Variants in PTPRO observed in about 807,000 individuals in gnomAD.
The protein encoded by PTPRO is protein tyrosine phosphatase receptor type O.
In PTPRO, 62 loss-of-function variants were observed where a neutral mutation model predicts 145.2. The ratio of observed to expected loss-of-function variants is 0.43; its 90% CI spans 0.35 to 0.53. The LOEUF is 0.53. Ranked by LOEUF, PTPRO falls within the 20% of genes least tolerant of loss-of-function variation. The pLI, the probability that PTPRO is intolerant of heterozygous loss-of-function variation, is 0.01. For synonymous variants in PTPRO, 565 were observed against 514.7 expected (o/e 1.10, Z -1.32); for missense variants, 1,345 against 1,482.7 (o/e 0.91, Z 1.53).
At chr12:15,388,421 G>A (rs1039635035) in intron 1 of PTPRO, among the ~76,000 whole-genome samples, 2 of 151,744 alleles carry the variant, frequency 1.3e-5, no homozygotes, top group African/African-American at 2.4e-5. Context: ...TTTTCTTCCC[G>A]TGTTTTAAAC....
intron 1 of PTPRO, among the ~76,000 whole-genome samples, chr12:15,329,272 T>C (rs954480400): frequency 2.0e-5 from 3 of 152,224 alleles, no homozygotes; most frequent in African/African-American, 7.2e-5. Context: ...TGATTCTCTC[T>C]TGGTTCCACG....
chr12:15,530,374 T>C (rs192726971), intron 12 of PTPRO, among the ~76,000 whole-genome samples: 2 of 152,246 alleles, frequency 1.3e-5, no homozygotes, highest in East Asian at 3.9e-4. Flanking sequence ...TGAGACCCGA[T>C]AGGCCTAATA....
intron 12 of PTPRO, among the ~76,000 whole-genome samples, chr12:15,531,457 C>T (rs1258750045): frequency 2.0e-5 from 3 of 152,092 alleles, no homozygotes; most frequent in Non-Finnish European, 4.4e-5. Context: ...AGTGTAATGT[C>T]AAAATAATTC....
chr12:15,587,534 T>G lies in PTPRO; in HGVS notation c.3410+483T>G, dbSNP rs566990152. ...AAAAGGAAAAGAAAAATGAAAATAT[T>G]CAGCTTAGGAAGATAAACATATTTG... On this transcript the variant is annotated intron_variant, in intron 24 of 26. Transcript: ENST00000281171. 5.9e-5 allele frequency among the ~76,000 whole-genome samples: 9 copies of G among 152,272 alleles called. No individual in the cohort carries two copies. The East Asian group carries it at 1.7e-3, about 29-fold the overall frequency.
chr12:15,556,075 T>A (rs909299939), intron 15 of PTPRO, among the ~76,000 whole-genome samples: 12 of 152,210 alleles, frequency 7.9e-5, no homozygotes, highest in African/African-American at 2.9e-4. Flanking sequence ...CTGCTAAGTT[T>A]AGTCACAGGT....
chr12:15,436,155 A>G (rs1940589681), intron 1 of PTPRO, among the ~76,000 whole-genome samples: 2 of 152,240 alleles, frequency 1.3e-5, no homozygotes, highest in Admixed American at 6.5e-5. Context: ...ATAGCACTAC[A>G]TGCCCACAAG....
chr12:15,440,056 C>A (rs1336997732), intron 1 of PTPRO: 29 of 645,592 alleles, frequency 4.5e-5, no homozygotes, highest in South Asian at 4.2e-4. Flanking sequence ...GCAAGCCCCA[C>A]ACTGTCCCTT....
chr12:15,478,478 G>A (rs375977950), intron 1 of PTPRO, among the ~76,000 whole-genome samples: 2 of 152,058 alleles, frequency 1.3e-5, no homozygotes, highest in African/African-American at 4.8e-5. Context: ...CCCAATTTAT[G>A]TTATACAGGT....
intron 2 of PTPRO, among the ~76,000 whole-genome samples, chr12:15,488,455 T>C (rs1471217442): frequency 6.6e-6 from 1 of 152,238 alleles, no homozygotes; most frequent in Non-Finnish European, 1.5e-5. Flanking sequence ...TTTTGAGCTC[T>C]GAAACTAACA....
At chr12:15,433,426 G>T (rs532103523) in intron 1 of PTPRO, among the ~76,000 whole-genome samples, 1 of 152,134 alleles carries the variant, frequency 6.6e-6, no homozygotes, top group South Asian at 2.1e-4. Context: ...CTCATGATCC[G>T]CCCGCCTTGG....
At chr12:15,518,318 C>T (rs576122200) in intron 9 of PTPRO, among the ~76,000 whole-genome samples, 68 of 152,310 alleles carry the variant, frequency 4.5e-4, no homozygotes, top group Admixed American at 8.5e-4. Flanking sequence ...CACCAAGTCT[C>T]TAGGCTGTAC....
intron 2 of PTPRO, among the ~76,000 whole-genome samples, chr12:15,487,539 T>C (rs1275871490): frequency 6.6e-6 from 1 of 152,192 alleles, no homozygotes; most frequent in African/African-American, 2.4e-5. Context: ...GTCCTCTTAG[T>C]GGTTTCAATT....
intron 1 of PTPRO, among the ~76,000 whole-genome samples, chr12:15,399,691 A>G (rs1939435968): frequency 6.6e-6 from 1 of 152,122 alleles, no homozygotes; most frequent in African/African-American, 2.4e-5. Flanking sequence ...TAGCTTTCAT[A>G]CCAAGGTATT....
At position 15,364,581 on chromosome 12, in the gene PTPRO, T is replaced by A. The variant is rs150773655; in HGVS notation, c.75+41780T>A. ...AGCAGCCTCTGTATTAGTAAAGATG[T>A]GCATTCCACACACCAGCCCAGCAAT... On this transcript the variant is annotated intron_variant, in intron 1 of 26. Coordinates refer to ENST00000281171, the MANE Select transcript of PTPRO (RefSeq NM_030667.3). 4.4e-3 allele frequency among the ~76,000 whole-genome samples: 671 copies of A among 152,246 alleles called. 17 individuals carry two copies. Among genetic ancestry groups the A allele is most frequent in the Admixed American group, 0.039 (600 of 15,292 alleles).
chr12:15,417,133 G>A (rs936987194), intron 1 of PTPRO, among the ~76,000 whole-genome samples: 1 of 151,494 alleles, frequency 6.6e-6, no homozygotes, highest in African/African-American at 2.4e-5. Flanking sequence ...CCAACTACAT[G>A]CAAAGGTGCC....
At chr12:15,550,249 G>A (rs1943419700) in intron 14 of PTPRO, among the ~76,000 whole-genome samples, 1 of 152,152 alleles carries the variant, frequency 6.6e-6, no homozygotes, top group Non-Finnish European at 1.5e-5. Flanking sequence ...CTAGAGAAAA[G>A]AAAATGTTAT....
chr12:15,488,317 A>T (rs555566589), intron 2 of PTPRO, among the ~76,000 whole-genome samples: 4 of 152,220 alleles, frequency 2.6e-5, no homozygotes, highest in Non-Finnish European at 4.4e-5. Context: ...GGTTGGGAAT[A>T]TCAGAAGTGG....
chr12:15,575,390 C>T (rs899356430), intron 19 of PTPRO, among the ~76,000 whole-genome samples: 5 of 152,248 alleles, frequency 3.3e-5, no homozygotes, highest in Admixed American at 2.6e-4. Flanking sequence ...CTCCAAGGAC[C>T]CCCTCCCACC....
chr12:15,514,451 C>CAAAAAAAAA (rs71438353), intron 7 of PTPRO, among the ~76,000 whole-genome samples: 12 of 68,806 alleles, frequency 1.7e-4, no homozygotes, highest in East Asian at 4.4e-4. Context: ...GACTCTGTCT[C>CAAAAAAAAA]AAAAAAAAAA....
Sources: gnomAD v4.1 joint callset for allele counts (sites outside exome capture counted in the v4.1 genomes callset) on GRCh38, gnomAD v4.1.1 for gene constraint, MANE v1.5 for transcripts, NCBI Gene and HGNC (gene_info 2026-07-23, HGNC 2026-07-21) for gene names.